EED: variants seen among roughly 807,000 people sequenced by gnomAD.
EED encodes embryonic ectoderm development, also known as polycomb protein EED.
EED carries 9 observed loss-of-function variants against 61.0 expected under a neutral mutation model. That is an observed-to-expected ratio of 0.15 (90% confidence interval 0.09 to 0.26). The LOEUF is 0.26. EED is among the 10% of genes least tolerant of loss of function. The pLI is 1.00. For missense variants in EED, 315 were observed against 542.3 expected, an observed-to-expected ratio of 0.58 and a Z score of 4.16; for synonymous variants, 187 against 174.4, an observed-to-expected ratio of 1.07 and a Z score of -0.57.
At chr11:86,285,791 T>G in the EED span, among the ~76,000 whole-genome samples, 2 of 151,564 alleles carry the variant, frequency 1.3e-5, no homozygotes, top group African/African-American at 4.9e-5. Context: ...AGAGACAGGG[T>G]TTCACCATGT....
At chr11:86,278,017 A>G (rs752958329) in intron 11 of EED, 26 bp downstream of exon 11, 1 of 1,488,984 alleles carries the variant, frequency 6.7e-7, no homozygotes, top group Admixed American at 2.5e-5. Context: ...TTTCTGTTCA[A>G]AATTTCAGGC....
intron 6 of EED, among the ~76,000 whole-genome samples, chr11:86,258,485 C>T (rs1945733159): frequency 6.6e-6 from 1 of 151,168 alleles, no homozygotes; most frequent in African/African-American, 2.4e-5. Context: ...TTCTGAACAA[C>T]TGTATAGACC....
intron 6 of EED, among the ~76,000 whole-genome samples, chr11:86,259,604 C>T (rs2138173552): frequency 1.3e-5 from 2 of 152,282 alleles, no homozygotes; most frequent in African/African-American, 4.8e-5. Context: ...AGGCATGAGC[C>T]ATGATTCCCA....
intron 8 of EED, among the ~76,000 whole-genome samples, chr11:86,267,335 G>A (rs1260317402): frequency 6.6e-6 from 1 of 152,140 alleles, no homozygotes; most frequent in African/African-American, 2.4e-5. Context: ...CCAATCCAAA[G>A]TGCTTTTTTA....
downstream of EED, among the ~76,000 whole-genome samples, chr11:86,280,462 C>G (rs1282449601): frequency 6.6e-6 from 1 of 152,086 alleles, no homozygotes; most frequent in Non-Finnish European, 1.5e-5. Flanking sequence ...GGATGTTATC[C>G]AGAGGCCCCA....
At chr11:86,269,427 G>A (rs961499529) in intron 9 of EED, among the ~76,000 whole-genome samples, 1 of 152,150 alleles carries the variant, frequency 6.6e-6, no homozygotes, top group African/African-American at 2.4e-5. Context: ...ATCAAATTTG[G>A]TGAAATTGCT....
chr11:86,245,549 G>A (rs1945372648), intron 1 of EED, among the ~76,000 whole-genome samples: 1 of 151,680 alleles, frequency 6.6e-6, no homozygotes, highest in Admixed American at 6.6e-5. Context: ...AAAGGAGAGT[G>A]GTTCTAGTGA....
intron 7 of EED, 75 bp from the exon 8 acceptor site, chr11:86,266,008 T>G: frequency 7.5e-7 from 1 of 1,326,746 alleles, no homozygotes; most frequent in Non-Finnish European, 1.0e-6. Context: ...TTCACTATGT[T>G]GCACATTAGG....
chr11:86,267,524 C>G (rs535356862), intron 8 of EED, among the ~76,000 whole-genome samples: 5 of 152,260 alleles, frequency 3.3e-5, no homozygotes, highest in South Asian at 2.1e-4. Context: ...TCACAAATAT[C>G]TCTAATGAAA....
At chr11:86,255,867 C>G (rs1945656850) in intron 4 of EED, among the ~76,000 whole-genome samples, 1 of 152,160 alleles carries the variant, frequency 6.6e-6, no homozygotes, top group South Asian at 2.1e-4. Flanking sequence ...TCTTCCAGAT[C>G]CATTTGAAAA....
At chr11:86,266,840 C>A (rs558991715) in intron 8 of EED, among the ~76,000 whole-genome samples, 1 of 152,276 alleles carries the variant, frequency 6.6e-6, no homozygotes, top group Non-Finnish European at 1.5e-5. Context: ...TTAACACTTT[C>A]ACTATAAACG....
At chr11:86,261,942 C>T (rs1026168805) in intron 6 of EED, among the ~76,000 whole-genome samples, 5 of 152,212 alleles carry the variant, frequency 3.3e-5, no homozygotes, top group African/African-American at 4.8e-5. Context: ...TGGTCATTAT[C>T]CCATTGTCTT....
intron 3 of EED, among the ~76,000 whole-genome samples, chr11:86,254,829 G>T (rs1945629433): frequency 6.6e-6 from 1 of 152,122 alleles, no homozygotes; most frequent in Non-Finnish European, 1.5e-5. Flanking sequence ...CACCATATTG[G>T]CCAGGATGGT....
downstream of EED, among the ~76,000 whole-genome samples, chr11:86,280,000 C>G (rs79727301): frequency 0.033 from 5,032 of 152,274 alleles, 263 homozygotes; most frequent in African/African-American, 0.11. Flanking sequence ...ATAATGAAAT[C>G]CTTCCTGTTG....
intron 6 of EED, among the ~76,000 whole-genome samples, chr11:86,261,903 A>T (rs1172966582): frequency 6.6e-6 from 1 of 152,128 alleles, no homozygotes; most frequent in Admixed American, 6.5e-5. Flanking sequence ...GGTCTTAGCT[A>T]TGTCTTGAAG....
In EED at chr11:86,276,704, G is replaced by A. The variant is rs970463075; in HGVS notation, c.967-276G>A. On this transcript the variant is annotated intron_variant, in intron 9 of 11. Coordinates refer to ENST00000263360, the MANE Select transcript of EED (RefSeq NM_003797.5). Reference sequence around the variant, plus strand: ...TGTCAGAGTATCTAGAGCTGAACTTGGTTTAACTTGAAAGAGAAATGTTGA... The same window carrying A: ...TGTCAGAGTATCTAGAGCTGAACTTAGTTTAACTTGAAAGAGAAATGTTGA... 32 of 230,420 alleles carry A rather than the reference G, an allele frequency of 1.4e-4. 1 individual carries two copies. Among genetic ancestry groups the A allele is most frequent in the African/African-American group, 5.2e-4 (23 of 44,590 alleles). 14.3% of individuals were successfully genotyped at this position (230,420 alleles called of 1,614,324 possible).
chr11:86,266,633 A>G (rs549937693), intron 8 of EED, among the ~76,000 whole-genome samples: 12 of 152,278 alleles, frequency 7.9e-5, no homozygotes, highest in African/African-American at 2.6e-4. Context: ...AGTTTTAAAC[A>G]ATGGAGTTCT....
chr11:86,258,776 G>A (rs1324464061), intron 6 of EED, among the ~76,000 whole-genome samples: 2 of 151,558 alleles, frequency 1.3e-5, no homozygotes, highest in Non-Finnish European at 2.9e-5. Context: ...GGCTGGTCTT[G>A]AACTCCTGAC....
At chr11:86,276,368 C>T (rs892771863) in intron 9 of EED, 1 of 152,194 alleles carries the variant, frequency 6.6e-6, no homozygotes, top group Non-Finnish European at 1.5e-5. Flanking sequence ...TGATGTTAAA[C>T]AACTGCTTTA....
Sources: gnomAD v4.1 joint callset for allele counts (sites outside exome capture counted in the v4.1 genomes callset) on GRCh38, gnomAD v4.1.1 for gene constraint, MANE v1.5 for transcripts, NCBI Gene and HGNC (gene_info 2026-07-23, HGNC 2026-07-21) for gene names.